KIF18A: variants seen among roughly 807,000 people sequenced by gnomAD.
KIF18A encodes the protein kinesin-like protein KIF18A.
In KIF18A, 67 loss-of-function variants were observed where a neutral mutation model predicts 103.3. The observed-to-expected ratio is 0.65, with a 90% CI of 0.53 to 0.79. KIF18A has a LOEUF of 0.79. Among genes scored for constraint, KIF18A ranks in the 30% least tolerant of loss-of-function variants. The probability of loss-of-function intolerance (pLI) is 0.00; values close to 1 mark genes in which losing one functional copy is unlikely to be tolerated. For missense variants in KIF18A, 1,032 were observed against 1,062.5 expected, an observed-to-expected ratio of 0.97 and a Z score of 0.40; for synonymous variants, 367 against 355.5, an observed-to-expected ratio of 1.03 and a Z score of -0.36.
intron 1 of KIF18A, among the ~76,000 whole-genome samples, chr11:28,102,330 T>C (rs1282192000): frequency 1.3e-5 from 2 of 152,180 alleles, no homozygotes; most frequent in Admixed American, 6.5e-5. Context: ...ACTCAACCAA[T>C]TGTCAACCAG....
At chr11:28,079,589 C>T (rs1048351720) in intron 9 of KIF18A, among the ~76,000 whole-genome samples, 24 of 151,998 alleles carry the variant, frequency 1.6e-4, no homozygotes, top group African/African-American at 5.1e-4. Context: ...GTATGAATAA[C>T]CATTGGTTTA....
chr11:28,103,305 C>T (rs1181850319), intron 1 of KIF18A, among the ~76,000 whole-genome samples: 1 of 148,124 alleles, frequency 6.8e-6, no homozygotes, highest in African/African-American at 2.5e-5. Flanking sequence ...AACCAGTAAG[C>T]ACAATGCAAA....
chr11:28,036,860 A>C (rs989887120), intron 13 of KIF18A, among the ~76,000 whole-genome samples, 196 bp from the exon 14 acceptor site: 2 of 151,512 alleles, frequency 1.3e-5, no homozygotes, highest in African/African-American at 4.8e-5. Context: ...ACTCATTATA[A>C]AGAAATTCTA....
chr11:28,071,262 T>C (rs1851009550), intron 10 of KIF18A, among the ~76,000 whole-genome samples: 1 of 152,138 alleles, frequency 6.6e-6, no homozygotes, highest in South Asian at 2.1e-4. Flanking sequence ...AGTAGTTTTC[T>C]AGAGGCTAAA....
rs1850980805 is a variant in KIF18A at position 28,069,399 on chromosome 11, G to A, written c.1450C>T (p.Leu484Phe). 2 of 1,613,050 alleles carry A rather than the reference G, an allele frequency of 1.2e-6. No individual in the cohort carries two copies. ...EKATGKRDHR[L>F]AMLKTRRSYL... The stretch of plus-strand genomic sequence containing the variant: ...GAGCGACGAGTTTTCAACATTGCAA[G>A]TCTATGATCTCGTTTTCCAGTGGCC... Residue 484 changes from leucine (L) to phenylalanine (F), a missense_variant, in exon 11 of 17, where the codon CTT becomes TTT. Transcript: ENST00000263181.
At chr11:28,080,732 G>A (rs1222908357) in intron 9 of KIF18A, among the ~76,000 whole-genome samples, 2 of 152,126 alleles carry the variant, frequency 1.3e-5, no homozygotes, top group Non-Finnish European at 2.9e-5. Flanking sequence ...AAGTGAAAGA[G>A]TTAGTTGCAT....
rs1565087644 is a variant in KIF18A, at chr11:28,084,614, C to T, written c.1074+18G>A. ...GCAGACAATACCTTCACAACAAAGG[C>T]AGAGTAAACAGACTTACAGAAGATT... On this transcript the variant is annotated intron_variant, in intron 7 of 16. Transcript: ENST00000263181. 1.3e-6 allele frequency: 2 copies of T among 1,565,796 alleles called. No individual in the cohort carries two copies. Among genetic ancestry groups the T allele is most frequent in the Non-Finnish European group, 1.7e-6 (2 of 1,143,486 alleles).
At position 28,088,534 on chromosome 11, in the gene KIF18A, G is replaced by A. The variant is rs537230136; in HGVS notation, c.887C>T (p.Ala296Val). 204 of 1,612,038 alleles carry A rather than the reference G, an allele frequency of 1.3e-4. 4 individuals carry two copies. In the South Asian group the frequency reaches 2.2e-3, roughly 17 times the overall value. ...LALGNVINALADSKRKNQHIP... is the reference protein window; with the variant it reads ...LALGNVINALVDSKRKNQHIP... The stretch of plus-strand genomic sequence containing the variant: ...ACATATAATGCCTACCTTTGAATCT[G>A]CTAAGGCATTGATGACATTCCCAAG... Residue 296 changes from alanine (A) to valine (V), a missense_variant, in exon 6 of 17, where the codon GCA (alanine) becomes GTA (valine). Coordinates refer to ENST00000263181, the MANE Select transcript of KIF18A (RefSeq NM_031217.4).
At chr11:28,021,522 C>T (rs1262487167) in intron 16 of KIF18A, among the ~76,000 whole-genome samples, 1 of 152,180 alleles carries the variant, frequency 6.6e-6, no homozygotes, top group Non-Finnish European at 1.5e-5. Flanking sequence ...CATACACAGA[C>T]ATCGGGTGAA....
At chr11:28,061,249 A>T (rs998749802) in intron 12 of KIF18A, among the ~76,000 whole-genome samples, 2 of 152,166 alleles carry the variant, frequency 1.3e-5, no homozygotes, top group Admixed American at 6.6e-5. Flanking sequence ...ATTTTTATAT[A>T]AGAAAACTAT....
chr11:28,095,644 G>A (rs1276915546), intron 2 of KIF18A, among the ~76,000 whole-genome samples: 3 of 152,028 alleles, frequency 2.0e-5, no homozygotes, highest in Non-Finnish European at 2.9e-5. Flanking sequence ...TTTTGTTTTA[G>A]GTGAATTACT....
chr11:28,040,046 T>A (rs1018232736), intron 13 of KIF18A, among the ~76,000 whole-genome samples: 3 of 151,698 alleles, frequency 2.0e-5, no homozygotes, highest in Non-Finnish European at 4.4e-5. Flanking sequence ...AAAATTTAAG[T>A]CAATCTTCTG....
intron 9 of KIF18A, among the ~76,000 whole-genome samples, chr11:28,081,829 T>G (rs1851169435): frequency 6.6e-6 from 1 of 152,146 alleles, no homozygotes; most frequent in Non-Finnish European, 1.5e-5. Context: ...GAAAAGCATC[T>G]GAAAAGAATT....
intron 15 of KIF18A, among the ~76,000 whole-genome samples, chr11:28,027,579 T>C (rs1029802059): frequency 3.3e-5 from 5 of 151,952 alleles, no homozygotes; most frequent in African/African-American, 1.2e-4. Context: ...CCCATGTCTC[T>C]TTCACTTCTT....
At chr11:28,104,635 T>C (rs1851484054) in intron 1 of KIF18A, among the ~76,000 whole-genome samples, 1 of 152,194 alleles carries the variant, frequency 6.6e-6, no homozygotes, top group South Asian at 2.1e-4. Context: ...TTAGCACTAA[T>C]TGGAAAGTAT....
chr11:28,041,126 A>G (rs543330688), intron 13 of KIF18A, among the ~76,000 whole-genome samples: 24 of 151,814 alleles, frequency 1.6e-4, no homozygotes, highest in African/African-American at 2.9e-4. Context: ...TTAAGTACCT[A>G]CCATACCATG....
In KIF18A at chr11:28,048,492, C is replaced by CTA. The variant is rs781533258; in HGVS notation, c.1948+10432_1948+10433dup. On this transcript the variant is annotated intron_variant, in intron 13 of 16. Transcript: ENST00000263181. ...CAGTGAAAAAGAGGCTGGTTATCAA[C>CTA]TATATATATATAATAGATTCCACTG... Among the ~76,000 whole-genome samples the CTA allele has an allele frequency of 4.6e-5, 7 of 151,522 alleles. No individual in the cohort carries two copies. The South Asian group carries it at 6.2e-4, about 14-fold the overall frequency.
At chr11:28,065,680 A>C (rs973282105) in intron 11 of KIF18A, among the ~76,000 whole-genome samples, 3 of 152,072 alleles carry the variant, frequency 2.0e-5, no homozygotes, top group Admixed American at 2.0e-4. Context: ...TTGGAAGCTT[A>C]CGGTAATGTG....
At chr11:28,035,868 T>G (rs1437809920) in intron 14 of KIF18A, among the ~76,000 whole-genome samples, 2 of 151,510 alleles carry the variant, frequency 1.3e-5, no homozygotes, top group African/African-American at 4.8e-5. Context: ...TAAACATCAA[T>G]AGAAAGTGTG....
Sources: gnomAD v4.1 joint callset for allele counts (sites outside exome capture counted in the v4.1 genomes callset) on GRCh38, gnomAD v4.1.1 for gene constraint, MANE v1.5 for transcripts, NCBI Gene and HGNC (gene_info 2026-07-23, HGNC 2026-07-21) for gene names.